CHN1: variants seen among roughly 807,000 people sequenced by gnomAD.
CHN1 encodes the protein N-chimaerin.
CHN1 carries 37 observed loss-of-function variants against 59.5 expected under a neutral mutation model. The ratio of observed to expected loss-of-function variants is 0.62; its 90% CI spans 0.48 to 0.82. The LOEUF (loss-of-function observed/expected upper bound fraction) is 0.82, where lower values mean the gene tolerates loss of function less well. Ranked by LOEUF, CHN1 falls within the 40% of genes least tolerant of loss-of-function variation. The pLI is 0.00. For synonymous variants in CHN1, 206 were observed against 200.4 expected (o/e 1.03, Z -0.24); for missense variants, 469 against 571.0 (o/e 0.82, Z 1.82).
intron 7 of CHN1, among the ~76,000 whole-genome samples, chr2:174,825,262 T>C (rs771900287): frequency 6.6e-6 from 1 of 152,146 alleles, no homozygotes; most frequent in Non-Finnish European, 1.5e-5. Context: ...ATCACAGACA[T>C]TAAAGGAGAT....
chr2:174,961,149 G>T (rs1420465241), intron 1 of CHN1, among the ~76,000 whole-genome samples: 6 of 146,404 alleles, frequency 4.1e-5, no homozygotes, highest in Non-Finnish European at 4.5e-5. Context: ...AGGGAAGGGA[G>T]GGAGGGAGGC....
intron 11 of CHN1, chr2:174,802,137 C>T (rs12476097): frequency 0.35 from 97,235 of 280,336 alleles, 19,076 homozygotes; most frequent in South Asian, 0.47. Flanking sequence ...TCAGACGTGT[C>T]GACACAGATA....
intron 11 of CHN1, among the ~76,000 whole-genome samples, chr2:174,808,203 T>C (rs531428247): frequency 1.6e-3 from 237 of 152,378 alleles, no homozygotes; most frequent in African/African-American, 5.5e-3. Context: ...AAACTGAGAA[T>C]AAGAATTTAG....
chr2:174,983,680 T>C (rs1165824412), intron 1 of CHN1, among the ~76,000 whole-genome samples: 3 of 151,946 alleles, frequency 2.0e-5, no homozygotes, highest in Non-Finnish European at 4.4e-5. Flanking sequence ...ATACAAAAAT[T>C]AGCTGGGCTT....
chr2:174,955,406 T>A (rs1246669716), intron 1 of CHN1, among the ~76,000 whole-genome samples: 1 of 151,932 alleles, frequency 6.6e-6, no homozygotes, highest in Non-Finnish European at 1.5e-5. Context: ...AAACGTCATA[T>A]GTTCTCACTT....
At chr2:174,902,340 C>G (rs1196961533) in intron 5 of CHN1, among the ~76,000 whole-genome samples, 3 of 152,046 alleles carry the variant, frequency 2.0e-5, no homozygotes, top group Admixed American at 6.6e-5. Flanking sequence ...TATTAAAGAA[C>G]ACCTGAGCAA....
At chr2:174,914,768 G>T (rs572964415) in intron 5 of CHN1, among the ~76,000 whole-genome samples, 1 of 148,690 alleles carries the variant, frequency 6.7e-6, no homozygotes, top group Non-Finnish European at 1.5e-5. Flanking sequence ...GCTTGAACCC[G>T]GAAGCAGAGG....
intron 1 of CHN1, among the ~76,000 whole-genome samples, chr2:174,985,366 AT>A (rs1430221351): frequency 3.3e-5 from 5 of 152,340 alleles, no homozygotes; most frequent in African/African-American, 1.2e-4. Flanking sequence ...GCCTAATTTA[AT>A]TAACACTGTG....
At chr2:174,843,765 T>C (rs1003952680) in intron 7 of CHN1, among the ~76,000 whole-genome samples, 1 of 151,532 alleles carries the variant, frequency 6.6e-6, no homozygotes, top group African/African-American at 2.4e-5. Flanking sequence ...TGTATCTACA[T>C]GTACTGGGAA....
In CHN1 at chr2:174,799,902, A is replaced by G. The variant is rs1684660542; in HGVS notation, c.*214T>C. The G allele has an allele frequency of 1.5e-6, 1 of 651,748 alleles. No homozygotes were observed. The allele number at this position is 651,748 out of a possible 1,614,324, so 40.4% of individuals were successfully genotyped here. ...TAGCTTGAGTTTCTCTGAACGTGAT[A>G]AACACCCAGGATTACTAGAACCAGA... On this transcript the variant is annotated 3_prime_UTR_variant, in exon 13 of 13. Transcript: ENST00000409900.
In CHN1 at chr2:174,877,856, C is replaced by T; in HGVS notation, c.533G>A (p.Gly178Glu). The T allele has an allele frequency of 6.2e-7, 1 of 1,611,498 alleles. No homozygotes were observed. The highest frequency in any genetic ancestry group is 8.5e-7 in the Non-Finnish European group (1 of 1,178,482). Residue 178 changes from glycine (G) to glutamate (E), a missense_variant, in exon 6 of 13, where the codon GGG becomes GAG. Physicochemically the swap from Gly to Glu is moderately conservative, Grantham distance 98 (BLOSUM62 -2). Transcript: ENST00000409900. ...HDERDSTGQD[G>E]VSEKRLTSLV... ...GTAGCTTACCCTTTTCTCTGACACC[C>T]CATCCTGGCCTGTAGAATCTCTCTC...
intron 7 of CHN1, among the ~76,000 whole-genome samples, chr2:174,838,657 C>T (rs1435247212): frequency 1.3e-5 from 2 of 152,028 alleles, no homozygotes; most frequent in African/African-American, 4.8e-5. Context: ...CAACATGTCT[C>T]AAACGGGGGA....
intron 1 of CHN1, among the ~76,000 whole-genome samples, chr2:174,955,158 GTCTATATATC>G (rs1207949642): frequency 1.1e-4 from 13 of 117,826 alleles, no homozygotes; most frequent in Admixed American, 8.2e-4. Flanking sequence ...ATATATCTAT[GTCTATATATC>G]TCTATATATC....
intron 5 of CHN1, among the ~76,000 whole-genome samples, chr2:174,881,038 C>A (rs1459776769): frequency 6.9e-6 from 1 of 144,418 alleles, no homozygotes. Context: ...AAGAGTGAAA[C>A]TCCATCTCAA....
At chr2:174,883,123 C>T (rs908296285) in intron 5 of CHN1, among the ~76,000 whole-genome samples, 2 of 152,170 alleles carry the variant, frequency 1.3e-5, no homozygotes, top group Non-Finnish European at 2.9e-5. Context: ...ATCTTCTGAA[C>T]AGTGGAACTC....
chr2:174,875,515 T>C (rs1378728), intron 6 of CHN1, among the ~76,000 whole-genome samples: 49,668 of 152,020 alleles, frequency 0.33, 9,441 homozygotes, highest in Admixed American at 0.46. Context: ...CCCAGAAAGC[T>C]AGGGAAATAC....
At chr2:174,831,285 T>A (rs560268502) in intron 7 of CHN1, among the ~76,000 whole-genome samples, 15 of 152,364 alleles carry the variant, frequency 9.8e-5, no homozygotes, top group African/African-American at 3.6e-4. Flanking sequence ...TCCTTTATGA[T>A]CCATACATTC....
intron 4 of CHN1, among the ~76,000 whole-genome samples, chr2:174,917,012 T>G (rs1688866277): frequency 6.6e-6 from 1 of 152,168 alleles, no homozygotes; most frequent in Non-Finnish European, 1.5e-5. Flanking sequence ...GCCAACATGG[T>G]GAAACCCCAT....
chr2:174,931,212 C>T (rs368716882), intron 3 of CHN1, among the ~76,000 whole-genome samples: 1 of 151,958 alleles, frequency 6.6e-6, no homozygotes, highest in East Asian at 1.9e-4. Context: ...AGCTATCACT[C>T]AGCATTCATA....
Sources: gnomAD v4.1 joint callset for allele counts (sites outside exome capture counted in the v4.1 genomes callset) on GRCh38, gnomAD v4.1.1 for gene constraint, MANE v1.5 for transcripts, NCBI Gene and HGNC (gene_info 2026-07-23, HGNC 2026-07-21) for gene names.